The following ESRRG variants were observed in gnomAD, a reference collection of about 807,000 sequenced individuals.
The protein encoded by ESRRG is estrogen related receptor gamma, also known as estrogen-related receptor gamma.
In ESRRG, 13 loss-of-function variants were observed where a neutral mutation model predicts 44.0. The ratio of observed to expected loss-of-function variants is 0.30; its 90% CI spans 0.19 to 0.47. The LOEUF (loss-of-function observed/expected upper bound fraction) is 0.47. Among genes scored for constraint, ESRRG ranks in the 20% least tolerant of loss-of-function variants. ESRRG has a pLI of 1.00. For missense variants in ESRRG, 395 were observed against 580.6 expected (o/e 0.68, Z 3.29); for synonymous variants, 215 against 214.6 (o/e 1.00, Z -0.02).
At chr1:216,539,310 T>C (rs957320299) in intron 5 of ESRRG, among the ~76,000 whole-genome samples, 1 of 152,020 alleles carries the variant, frequency 6.6e-6, no homozygotes, top group Non-Finnish European at 1.5e-5. Flanking sequence ...TATATATATA[T>C]AAGCCTTTAG....
intron 1 of ESRRG, among the ~76,000 whole-genome samples, chr1:217,015,886 C>T (rs1240591132): frequency 1.3e-5 from 2 of 151,998 alleles, no homozygotes; most frequent in African/African-American, 2.4e-5. Flanking sequence ...CATGCCACCA[C>T]GCCCGGCTAT....
chr1:216,743,515 C>T (rs1029743366), intron 2 of ESRRG, among the ~76,000 whole-genome samples: 6 of 152,150 alleles, frequency 3.9e-5, no homozygotes, highest in Non-Finnish European at 8.8e-5. Flanking sequence ...TTTCTGAAAA[C>T]TAATAGCATG....
intron 2 of ESRRG, among the ~76,000 whole-genome samples, chr1:216,738,048 A>T (rs182012571): frequency 7.6e-4 from 109 of 143,668 alleles, no homozygotes; most frequent in African/African-American, 2.8e-3. Flanking sequence ...CTCAACAGTG[A>T]TCATAGGATG....
intron 3 of ESRRG, among the ~76,000 whole-genome samples, chr1:216,610,128 TATG>T (rs2060432289): frequency 6.6e-6 from 1 of 151,998 alleles, no homozygotes; most frequent in South Asian, 2.1e-4. Context: ...GCAATAGAAA[TATG>T]AGTTATTAAA....
intron 2 of ESRRG, among the ~76,000 whole-genome samples, chr1:216,732,123 T>A (rs1490021514): frequency 2.9e-5 from 3 of 104,728 alleles, no homozygotes; most frequent in Admixed American, 9.2e-5. Flanking sequence ...AAAAAGAAAA[T>A]AAAAAAAAGA....
intron 2 of ESRRG, among the ~76,000 whole-genome samples, chr1:216,892,206 G>A (rs1018532219): frequency 6.6e-6 from 1 of 152,150 alleles, no homozygotes; most frequent in Non-Finnish European, 1.5e-5. Flanking sequence ...AACTTAGTGT[G>A]CCCCTTATGG....
intron 5 of ESRRG, among the ~76,000 whole-genome samples, chr1:216,549,482 T>C (rs2055595905): frequency 6.6e-6 from 1 of 152,082 alleles, no homozygotes; most frequent in South Asian, 2.1e-4. Flanking sequence ...GTGTCACAGG[T>C]CATCAGCAGA....
intron 1 of ESRRG, among the ~76,000 whole-genome samples, chr1:216,991,068 A>G (rs1415405144): frequency 6.6e-6 from 1 of 152,046 alleles, no homozygotes; most frequent in Non-Finnish European, 1.5e-5. Flanking sequence ...GTGGCATTAG[A>G]TTCTCATAGA....
At chr1:217,032,936 T>A (rs534835139) in intron 1 of ESRRG, among the ~76,000 whole-genome samples, 25 of 152,296 alleles carry the variant, frequency 1.6e-4, no homozygotes, top group African/African-American at 5.5e-4. Flanking sequence ...CTTAAATAGC[T>A]ATCTCCACTG....
intron 1 of ESRRG, among the ~76,000 whole-genome samples, chr1:217,021,077 T>TACACAC (rs71556671): frequency 9.2e-6 from 1 of 108,972 alleles, no homozygotes; most frequent in Admixed American, 9.2e-5. Flanking sequence ...CACACACACA[T>TACACAC]ACACACAGAG....
chr1:217,006,213 A>G (rs1163710520), intron 1 of ESRRG, among the ~76,000 whole-genome samples: 3 of 152,174 alleles, frequency 2.0e-5, no homozygotes, highest in African/African-American at 7.2e-5. Context: ...ATGAATTTAT[A>G]AATCACTTAA....
intron 1 of ESRRG, among the ~76,000 whole-genome samples, chr1:216,706,653 T>C (rs2082516295): frequency 6.6e-6 from 1 of 152,216 alleles, no homozygotes; most frequent in South Asian, 2.1e-4. Flanking sequence ...TAAATTTTAA[T>C]TGAGCATAAA....
chr1:216,756,289 T>C (rs1301574579), intron 2 of ESRRG, among the ~76,000 whole-genome samples: 1 of 151,996 alleles, frequency 6.6e-6, no homozygotes, highest in African/African-American at 2.4e-5. Flanking sequence ...CTTTTTGTAT[T>C]CTAGGATATC....
chr1:216,677,188 G>T lies in ESRRG; in HGVS notation c.360C>A (p.Leu120=), dbSNP rs1370272747. 8 of 1,614,112 alleles carry T rather than the reference G, an allele frequency of 5.0e-6. No individual in the cohort carries two copies. The South Asian group carries it at 7.7e-5, about 16-fold the overall frequency. The stretch of plus-strand genomic sequence containing the variant: ...AACACAGTCTCTTGGGCATCGAGTT[G>T]AGCATGTATTCACACTTGGTCTGGG... ...EDPQTKCEYM[L]NSMPKRLCLV... The change falls in exon 2 of 7, where the codon CTC becomes CTA. Residue 120 remains leucine, a synonymous_variant. Transcript: ENST00000408911.
chr1:216,870,351 C>T (rs942711317), intron 2 of ESRRG, among the ~76,000 whole-genome samples: 1 of 150,700 alleles, frequency 6.6e-6, no homozygotes, highest in Non-Finnish European at 1.5e-5. Flanking sequence ...TTTGTTATTA[C>T]ATGTTATTCA....
At chr1:216,521,014 T>A (rs2045940519) in intron 5 of ESRRG, among the ~76,000 whole-genome samples, 1 of 152,176 alleles carries the variant, frequency 6.6e-6, no homozygotes, top group Non-Finnish European at 1.5e-5. Flanking sequence ...AAGTGCTTAA[T>A]AAAATCATCA....
At chr1:216,740,873 C>A (rs779675083) in intron 2 of ESRRG, among the ~76,000 whole-genome samples, 77 of 147,752 alleles carry the variant, frequency 5.2e-4, no homozygotes, top group Non-Finnish European at 1.0e-3. Context: ...TTTGAATTTA[C>A]CATGTCACAT....
intron 2 of ESRRG, among the ~76,000 whole-genome samples, chr1:216,789,287 T>G (rs1424725702): frequency 6.6e-6 from 1 of 152,096 alleles, no homozygotes; most frequent in Non-Finnish European, 1.5e-5. Context: ...ACCCCAACCT[T>G]CAGCAACTGC....
At chr1:216,964,337 A>C (rs1028148203) in intron 1 of ESRRG, among the ~76,000 whole-genome samples, 4 of 152,102 alleles carry the variant, frequency 2.6e-5, no homozygotes, top group Admixed American at 1.3e-4. Flanking sequence ...TAGATTAAAG[A>C]TCACTGGCTG....
Sources: gnomAD v4.1 joint callset for allele counts (sites outside exome capture counted in the v4.1 genomes callset) on GRCh38, gnomAD v4.1.1 for gene constraint, MANE v1.5 for transcripts, NCBI Gene and HGNC (gene_info 2026-07-23, HGNC 2026-07-21) for gene names.